Variants in MAP4K5 observed in about 807,000 individuals in gnomAD.
The protein encoded by MAP4K5 is MAPK/ERK kinase kinase kinase 5.
MAP4K5 carries 82 observed loss-of-function variants against 135.6 expected under a neutral mutation model. The observed-to-expected ratio is 0.60, with a 90% CI of 0.51 to 0.73. MAP4K5 has a LOEUF of 0.73. MAP4K5 is among the 30% of genes least tolerant of loss of function. The probability of loss-of-function intolerance (pLI) is 0.00; values close to 1 mark genes in which losing one functional copy is unlikely to be tolerated. For missense variants in MAP4K5, 907 were observed against 1,010.9 expected (o/e 0.90, Z 1.39); for synonymous variants, 347 against 335.0 (o/e 1.04, Z -0.39).
chr14:50,474,329 G>A, intron 9 of MAP4K5, among the ~76,000 whole-genome samples: 1 of 151,738 alleles, frequency 6.6e-6, no homozygotes, highest in East Asian at 1.9e-4. Context: ...GGTCAATGAT[G>A]CAGTGAGCTG....
chr14:50,550,349 G>A (rs1231342285), intron 1 of MAP4K5, among the ~76,000 whole-genome samples: 1 of 152,218 alleles, frequency 6.6e-6, no homozygotes, highest in Non-Finnish European at 1.5e-5. Flanking sequence ...ATACCCATGA[G>A]GGTCCCTACT....
In MAP4K5 at chr14:50,481,430, C is replaced by CA. The variant is rs1421595917; in HGVS notation, c.378+930dup. Among the ~76,000 whole-genome samples the CA allele has an allele frequency of 5.9e-5, 9 of 151,836 alleles. No individual in the cohort carries two copies. The South Asian group carries it at 8.3e-4, about 14-fold the overall frequency. On this transcript the variant is annotated intron_variant, in intron 6 of 32. Transcript: ENST00000682126. ...TGACTAGAACTTTTTCCTGATCAGC[C>CA]AAATCTCCCATTTTGGAAAATATTA... is the stretch of plus-strand genomic sequence containing the variant.
intron 2 of MAP4K5, among the ~76,000 whole-genome samples, chr14:50,506,580 AC>A (rs1180077503): frequency 6.6e-6 from 1 of 152,016 alleles, no homozygotes; most frequent in East Asian, 1.9e-4. Context: ...CCGGTCTCAA[AC>A]TCCTGGGTTC....
At chr14:50,435,768 T>C (rs1262797241) in intron 26 of MAP4K5, among the ~76,000 whole-genome samples, 1 of 152,164 alleles carries the variant, frequency 6.6e-6, no homozygotes, top group Non-Finnish European at 1.5e-5. Context: ...TATGTATTAA[T>C]TTATCATGAT....
At chr14:50,423,318 GT>G (rs1305739606) in intron 31 of MAP4K5, 142 bp from the exon 32 acceptor site, 17 of 510,108 alleles carry the variant, frequency 3.3e-5, no homozygotes, top group Admixed American at 1.3e-4. Context: ...ATTTTAGTAA[GT>G]TTTTTGATTG....
chr14:50,435,127 T>G, intron 26 of MAP4K5, 62 bp from the exon 27 acceptor site: 1 of 819,784 alleles, frequency 1.2e-6, no homozygotes. Context: ...ACTTTCATTG[T>G]ATCTGTTAAC....
At chr14:50,525,016 A>G (rs746687609) in intron 2 of MAP4K5, among the ~76,000 whole-genome samples, 2 of 152,062 alleles carry the variant, frequency 1.3e-5, no homozygotes, top group African/African-American at 2.4e-5. Flanking sequence ...CCTTCAATAT[A>G]TTATTTTTCT....
At chr14:50,435,519 C>T (rs762121019) in intron 26 of MAP4K5, among the ~76,000 whole-genome samples, 6 of 151,892 alleles carry the variant, frequency 4.0e-5, no homozygotes, top group Non-Finnish European at 7.4e-5. Flanking sequence ...TGTATGCCAC[C>T]ATGCCCAGCT....
At chr14:50,424,784 AGGACCT>A (rs2035811216) in intron 31 of MAP4K5, among the ~76,000 whole-genome samples, 1 of 152,096 alleles carries the variant, frequency 6.6e-6, no homozygotes, top group Admixed American at 6.6e-5. Context: ...GTAAGAAACA[AGGACCT>A]TCTGTAGATT....
At chr14:50,435,196 T>C (rs558400076) in intron 26 of MAP4K5, 131 bp from the exon 27 acceptor site, 7 of 486,478 alleles carry the variant, frequency 1.4e-5, no homozygotes, top group Admixed American at 6.8e-5. Flanking sequence ...TTTGGCTTCA[T>C]TGCCTTTTCC....
rs1351048885 is a variant in MAP4K5 at position 50,445,061 on chromosome 14, A to C, written c.1319T>G (p.Val440Gly). 1 of 1,613,430 alleles carries C rather than the reference A, an allele frequency of 6.2e-7. No individual in the cohort carries two copies. Among genetic ancestry groups the C allele is most frequent in the African/African-American group, 1.3e-5 (1 of 74,930 alleles). ...CATACCAATAGAAGAAGTCTCTGCCACAGGCCCACAACTTGGGCTACTCTG... is the reference window on the plus strand; with the variant it reads ...CATACCAATAGAAGAAGTCTCTGCCCCAGGCCCACAACTTGGGCTACTCTG... ...RRQSSPSCGP[V>G]AETSSIGNGD... The change falls in exon 18 of 33, where the codon GTG (valine) becomes GGG (glycine). Residue 440 changes from valine (V) to glycine (G), a missense_variant. This residue lies in a region of MAP4K5 where 690 missense variants were observed against 777.4 expected (regional missense o/e 0.89). Transcript: ENST00000682126.
chr14:50,463,890 CCAAAAAAAAAAAAAAAA>C (rs2036768862), intron 12 of MAP4K5, among the ~76,000 whole-genome samples, 145 bp downstream of exon 12: 1 of 35,360 alleles, frequency 2.8e-5, no homozygotes, highest in Non-Finnish European at 4.7e-5. Context: ...GACCCTGTTT[CCAAAAAAAAAAAAAAAA>C]AAAAAAAAAA....
chr14:50,479,277 A>C (rs1458994512), intron 6 of MAP4K5, among the ~76,000 whole-genome samples: 2 of 151,252 alleles, frequency 1.3e-5, no homozygotes, highest in Non-Finnish European at 2.9e-5. Flanking sequence ...AAATTGTCCT[A>C]CAGCTTAATG....
intron 6 of MAP4K5, among the ~76,000 whole-genome samples, chr14:50,479,622 C>T (rs1377578425): frequency 2.0e-5 from 3 of 152,110 alleles, no homozygotes; most frequent in Non-Finnish European, 4.4e-5. Context: ...ACAGTTATAA[C>T]TGTTTTAATG....
In MAP4K5 at chr14:50,419,395, T is replaced by C. The variant is rs1446758396; in HGVS notation, c.*624A>G. 1 of 152,576 alleles carries C rather than the reference T, an allele frequency of 6.6e-6. No individual in the cohort carries two copies. The highest frequency in any genetic ancestry group is 6.5e-5 in the Admixed American group (1 of 15,272). The allele number at this position is 152,576 out of a possible 1,614,324, so 9.5% of individuals were successfully genotyped here. A position where few individuals can be genotyped will look rare whatever the true frequency, so the allele number is the denominator to read the frequency against. ...TACTTTTGTTAAGCAAAATTGCATG[T>C]GTGTGTTGAACCCCCAAACACTCAA... On this transcript the variant is annotated 3_prime_UTR_variant, in exon 33 of 33. Coordinates refer to ENST00000682126, the MANE Select transcript of MAP4K5 (RefSeq NM_006575.6).
At chr14:50,437,394 T>C in intron 26 of MAP4K5, 82 bp downstream of exon 26, 1 of 1,101,894 alleles carries the variant, frequency 9.1e-7, no homozygotes, top group Non-Finnish European at 1.3e-6. Context: ...CTCCTTCCTA[T>C]TTGATTCCAT....
chr14:50,526,508 C>T (rs2038268390), intron 2 of MAP4K5, among the ~76,000 whole-genome samples: 1 of 152,176 alleles, frequency 6.6e-6, no homozygotes, highest in African/African-American at 2.4e-5. Flanking sequence ...GTTGGCCAGG[C>T]TGGTCTCAAA....
intron 32 of MAP4K5, among the ~76,000 whole-genome samples, chr14:50,421,916 G>C (rs1328026941): frequency 1.4e-5 from 2 of 145,772 alleles, no homozygotes; most frequent in Non-Finnish European, 3.0e-5. Flanking sequence ...TTTTTAGACA[G>C]AGTCTTGCTC....
At chr14:50,511,390 T>C (rs2037926106) in intron 2 of MAP4K5, among the ~76,000 whole-genome samples, 1 of 151,936 alleles carries the variant, frequency 6.6e-6, no homozygotes, top group South Asian at 2.1e-4. Flanking sequence ...GAACAGAGAA[T>C]ACTAGAGGCT....
Sources: allele counts gnomAD v4.1 joint callset (sites outside exome capture counted in the v4.1 genomes callset), GRCh38; gene constraint gnomAD v4.1.1; regional missense constraint gnomAD v4.1.1; transcripts MANE v1.5; gene names NCBI Gene and HGNC (gene_info 2026-07-23, HGNC 2026-07-21).